The following BBX variants were observed in gnomAD, a reference collection of about 807,000 sequenced individuals.
BBX encodes the protein HMG box transcription factor BBX.
In BBX, 30 loss-of-function variants were observed where a neutral mutation model predicts 100.2. That is an observed-to-expected ratio of 0.30 (90% CI 0.22 to 0.41). The LOEUF is 0.41. Among genes scored for constraint, BBX ranks in the 10% least tolerant of loss-of-function variants. The probability of loss-of-function intolerance (pLI) is 1.00; values close to 1 mark genes in which losing one functional copy is unlikely to be tolerated. For missense variants in BBX, 1,023 were observed against 1,129.8 expected (o/e 0.91, Z 1.35); for synonymous variants, 376 against 388.1 (o/e 0.97, Z 0.37).
chr3:107,791,220 T>C lies in BBX; in HGVS notation c.2294-20T>C. On this transcript the variant is annotated intron_variant, in intron 14 of 17. Transcript: ENST00000325805. The stretch of plus-strand genomic sequence containing the variant: ...AGAGTAGAGTTTCACTTTTCTTTCC[T>C]TTTCTGTCATTGTTTTTAGGAAGTG... 6.2e-7 allele frequency: 1 copy of C among 1,609,044 alleles called. No homozygotes were observed. The highest frequency in any genetic ancestry group is 8.5e-7 in the Non-Finnish European group (1 of 1,176,030).
At chr3:107,597,838 G>T (rs2053769485) in intron 2 of BBX, among the ~76,000 whole-genome samples, 1 of 150,532 alleles carries the variant, frequency 6.6e-6, no homozygotes, top group Non-Finnish European at 1.5e-5. Context: ...CTGCCCAGAG[G>T]TTTTGTTTTG....
intron 3 of BBX, among the ~76,000 whole-genome samples, chr3:107,668,408 G>A (rs2058856417): frequency 6.6e-6 from 1 of 152,120 alleles, no homozygotes; most frequent in African/African-American, 2.4e-5. Context: ...GTTATTTCCT[G>A]TTAACTTAAC....
chr3:107,540,495 C>T (rs1184878482), intron 2 of BBX, among the ~76,000 whole-genome samples: 4 of 152,120 alleles, frequency 2.6e-5, no homozygotes, highest in African/African-American at 9.7e-5. Flanking sequence ...TGGAGTGGAT[C>T]AGCATCAAGA....
intron 2 of BBX, among the ~76,000 whole-genome samples, chr3:107,631,751 C>T (rs1422219131): frequency 2.0e-5 from 3 of 152,122 alleles, no homozygotes; most frequent in African/African-American, 7.2e-5. Flanking sequence ...CTACGGAAGA[C>T]TCTTTAACTT....
At chr3:107,529,609 C>G (rs1280211089) in intron 2 of BBX, among the ~76,000 whole-genome samples, 1 of 152,194 alleles carries the variant, frequency 6.6e-6, no homozygotes, top group African/African-American at 2.4e-5. Flanking sequence ...TGTACTACCT[C>G]AAGGGTAGTC....
chr3:107,535,695 C>G (rs953517993), intron 2 of BBX, among the ~76,000 whole-genome samples: 1 of 151,250 alleles, frequency 6.6e-6, no homozygotes, highest in East Asian at 2.0e-4. Context: ...TGGGTTCAAG[C>G]GATTCTTGTG....
chr3:107,641,043 A>C (rs1415902516), intron 2 of BBX, among the ~76,000 whole-genome samples: 2 of 151,196 alleles, frequency 1.3e-5, no homozygotes, highest in East Asian at 2.0e-4. Flanking sequence ...TTGCCTTGCT[A>C]TTCTGTTGGC....
chr3:107,572,707 G>T lies in BBX; in HGVS notation c.-84+46309G>T, dbSNP rs1347478296. Among the ~76,000 whole-genome samples, 7 of 152,182 alleles carry T rather than the reference G, an allele frequency of 4.6e-5. No homozygotes were observed. In the East Asian group the frequency reaches 1.2e-3, roughly 25 times the overall value. On this transcript the variant is annotated intron_variant, in intron 2 of 17. Coordinates refer to ENST00000325805, the MANE Select transcript of BBX (RefSeq NM_001142568.3). ...CAAATAAAAATTATATATCTTAAAA[G>T]TATGACTAGGAAAGCTAATTTTTAA...
At chr3:107,560,638 A>G (rs968818309) in intron 2 of BBX, among the ~76,000 whole-genome samples, 14 of 152,232 alleles carry the variant, frequency 9.2e-5, no homozygotes, top group African/African-American at 3.4e-4. Flanking sequence ...AAACACTTCC[A>G]TTAGAGATCA....
At chr3:107,692,594 T>C (rs1182724913) in intron 3 of BBX, among the ~76,000 whole-genome samples, 1 of 152,112 alleles carries the variant, frequency 6.6e-6, no homozygotes, top group African/African-American at 2.4e-5. Context: ...ATCCAGTCTA[T>C]CATTGTTGGA....
At chr3:107,792,284 T>A (rs1171305507) in intron 15 of BBX, among the ~76,000 whole-genome samples, 1 of 152,192 alleles carries the variant, frequency 6.6e-6, no homozygotes, top group Non-Finnish European at 1.5e-5. Context: ...ATTTGAAAAC[T>A]AGAAGGGATT....
chr3:107,640,540 A>G (rs1313664543), intron 2 of BBX, among the ~76,000 whole-genome samples: 1 of 151,886 alleles, frequency 6.6e-6, no homozygotes, highest in East Asian at 1.9e-4. Context: ...TCCTTTCCTT[A>G]CCATTTTGAC....
At position 107,662,020 on chromosome 3, in the gene BBX, T is replaced by C. The variant is rs561411944; in HGVS notation, c.-10+16111T>C. ...GTGGTCCTTTTGGGGAAGAAGAATT[T>C]GTTAGGACACAGGACAGAAGAAATA... On this transcript the variant is annotated intron_variant, in intron 3 of 17. Coordinates refer to ENST00000325805, the MANE Select transcript of BBX (RefSeq NM_001142568.3). 1.2e-4 allele frequency: 63 copies of C among 512,026 alleles called. No homozygotes were observed. The African/African-American group carries it at 1.3e-3, about 10-fold the overall frequency. 31.7% of individuals were successfully genotyped at this position (512,026 alleles called of 1,614,324 possible). A position where few individuals can be genotyped will look rare whatever the true frequency, so the allele number is the denominator to read the frequency against.
chr3:107,545,137 A>G (rs1311631519), intron 2 of BBX, among the ~76,000 whole-genome samples: 4 of 152,228 alleles, frequency 2.6e-5, no homozygotes, highest in African/African-American at 7.2e-5. Context: ...TCTTGGCCCA[A>G]CCAATTTAAT....
At chr3:107,637,848 C>A (rs2056943552) in intron 2 of BBX, among the ~76,000 whole-genome samples, 1 of 152,094 alleles carries the variant, frequency 6.6e-6, no homozygotes. Flanking sequence ...AGGAAAGTTT[C>A]TTGGATTCCT....
At chr3:107,793,321 A>G (rs2069250099) in intron 15 of BBX, among the ~76,000 whole-genome samples, 1 of 152,144 alleles carries the variant, frequency 6.6e-6, no homozygotes, top group African/African-American at 2.4e-5. Flanking sequence ...ATATTTAATT[A>G]TATTTATTAT....
In BBX at chr3:107,810,130, A is replaced by T. The variant is rs2071229485; in HGVS notation, c.*4673A>T. On this transcript the variant is annotated 3_prime_UTR_variant, in exon 18 of 18. Transcript: ENST00000325805. ...AGAAGCAACAAGCGTGAATAAAAAG[A>T]CAAATGTATTTGACTCCCTCATAAT... is the stretch of plus-strand genomic sequence containing the variant. 6.6e-6 allele frequency: 1 copy of T among 152,038 alleles called. No homozygotes were observed. Among genetic ancestry groups the T allele is most frequent in the Non-Finnish European group, 1.5e-5 (1 of 68,014 alleles). 9.4% of individuals were successfully genotyped at this position (152,038 alleles called of 1,614,324 possible).
chr3:107,727,975 G>A (rs945581907), intron 5 of BBX, among the ~76,000 whole-genome samples: 11 of 152,080 alleles, frequency 7.2e-5, no homozygotes, highest in African/African-American at 7.2e-5. Context: ...TTTGTTTCAC[G>A]TTATTGTCAT....
Position 107,772,732 on chromosome 3 carries a change from A to G in BBX, c.1011A>G (p.Glu337=). The G allele has an allele frequency of 5.0e-6, 8 of 1,612,264 alleles. No homozygotes were observed. The highest frequency in any genetic ancestry group is 6.8e-6 in the Non-Finnish European group (8 of 1,179,622). The change falls in exon 11 of 18, where the codon GAA becomes GAG. Residue 337 remains glutamate, a synonymous_variant. Transcript: ENST00000325805. The part of the protein sequence containing the change: ...RIKELEKGKE[E]KEIKMEKTDE... The stretch of plus-strand genomic sequence containing the variant: ...AAGAATTAGAGAAGGGAAAGGAAGA[A>G]AAAGAAATTAAAATGGAGAAAACAG...
Sources: allele counts gnomAD v4.1 joint callset (sites outside exome capture counted in the v4.1 genomes callset), GRCh38; gene constraint gnomAD v4.1.1; transcripts MANE v1.5; gene names NCBI Gene and HGNC (gene_info 2026-07-23, HGNC 2026-07-21).